DAB1: variants seen among roughly 807,000 people sequenced by gnomAD.
The protein encoded by DAB1 is disabled homolog 1.
A neutral mutation model predicts 64.6 loss-of-function variants in DAB1; 15 were observed. The observed-to-expected ratio is 0.23, with a 90% CI of 0.16 to 0.36. The LOEUF is 0.36. Ranked by LOEUF, DAB1 falls within the 10% of genes least tolerant of loss-of-function variation. DAB1 has a pLI of 1.00. For synonymous variants in DAB1, 235 were observed against 251.9 expected (o/e 0.93, Z 0.64); for missense variants, 596 against 706.7 (o/e 0.84, Z 1.78).
chr1:57,356,438 T>C (rs937905680), intron 1 of DAB1, among the ~76,000 whole-genome samples: 1 of 152,050 alleles, frequency 6.6e-6, no homozygotes, highest in African/African-American at 2.4e-5. Context: ...CTTCAACTGT[T>C]GTTTTATGCT....
chr1:57,297,062 A>T (rs143018999), intron 1 of DAB1, among the ~76,000 whole-genome samples: 1 of 152,310 alleles, frequency 6.6e-6, no homozygotes, highest in African/African-American at 2.4e-5. Flanking sequence ...AGAACATAAC[A>T]TCACTATGCA....
At chr1:58,181,790 TTA>T (rs1417773156) in intron 4 of DAB1, among the ~76,000 whole-genome samples, 19 of 151,284 alleles carry the variant, frequency 1.3e-4, no homozygotes, top group African/African-American at 4.4e-4. Context: ...ACAATAGATT[TTA>T]AAGTTATTAT....
intron 3 of DAB1, among the ~76,000 whole-genome samples, chr1:58,353,503 G>C (rs917823516): frequency 1.2e-4 from 18 of 152,176 alleles, no homozygotes; most frequent in African/African-American, 4.1e-4. Flanking sequence ...AGACTTCCCT[G>C]TACCAAAATG....
At chr1:57,246,197 C>G (rs1668860597) in intron 2 of DAB1, among the ~76,000 whole-genome samples, 1 of 152,192 alleles carries the variant, frequency 6.6e-6, no homozygotes, top group Non-Finnish European at 1.5e-5. Flanking sequence ...TCGCAGCAGC[C>G]TCTCCCATCA....
At chr1:58,143,600 G>A (rs530446611) in intron 5 of DAB1, among the ~76,000 whole-genome samples, 1 of 152,290 alleles carries the variant, frequency 6.6e-6, no homozygotes, top group African/African-American at 2.4e-5. Context: ...CCTGGCAGCA[G>A]AGACAGGCAA....
At chr1:58,342,414 C>G (rs1278131983) in intron 4 of DAB1, among the ~76,000 whole-genome samples, 1 of 152,128 alleles carries the variant, frequency 6.6e-6, no homozygotes, top group Non-Finnish European at 1.5e-5. Context: ...CCGTGGGCTG[C>G]AGTGATCAGC....
chr1:58,171,883 G>A (rs1231478316), intron 4 of DAB1, among the ~76,000 whole-genome samples: 1 of 152,242 alleles, frequency 6.6e-6, no homozygotes, highest in Non-Finnish European at 1.5e-5. Context: ...TGAAGGCCCA[G>A]CTTTGCCTAC....
chr1:57,549,814 A>G (rs1644894282), intron 7 of DAB1, among the ~76,000 whole-genome samples: 1 of 152,196 alleles, frequency 6.6e-6, no homozygotes, highest in Non-Finnish European at 1.5e-5. Context: ...CAAAGAGAGA[A>G]TTTATGAAGC....
intron 6 of DAB1, among the ~76,000 whole-genome samples, chr1:57,713,142 C>T (rs1647045883): frequency 6.6e-6 from 1 of 152,154 alleles, no homozygotes; most frequent in Non-Finnish European, 1.5e-5. Context: ...ACCCAATTTC[C>T]TCTATGAATT....
At chr1:57,609,457 A>C (rs528581544) in intron 7 of DAB1, among the ~76,000 whole-genome samples, 1 of 152,328 alleles carries the variant, frequency 6.6e-6, no homozygotes, top group African/African-American at 2.4e-5. Context: ...TTTGAGCATC[A>C]GTGGGTTTTT....
At chr1:58,497,525 T>C (rs1052607942) in intron 3 of DAB1, among the ~76,000 whole-genome samples, 6 of 152,180 alleles carry the variant, frequency 3.9e-5, no homozygotes, top group African/African-American at 1.4e-4. Context: ...GACCAGACTA[T>C]GCCACCCCAA....
chr1:58,166,730 G>A (rs1317236112), intron 4 of DAB1, among the ~76,000 whole-genome samples: 2 of 145,616 alleles, frequency 1.4e-5, no homozygotes, highest in South Asian at 2.2e-4. Flanking sequence ...AACATTTTTT[G>A]TTGTTGTTTT....
intron 1 of DAB1, among the ~76,000 whole-genome samples, chr1:57,312,914 A>G (rs1194069069): frequency 1.3e-5 from 2 of 151,964 alleles, no homozygotes; most frequent in African/African-American, 2.4e-5. Context: ...ACAGAGAGGG[A>G]CGCTTTTGCT....
At chr1:58,017,703 A>G (rs1471405996) in intron 5 of DAB1, among the ~76,000 whole-genome samples, 1 of 152,138 alleles carries the variant, frequency 6.6e-6, no homozygotes, top group African/African-American at 2.4e-5. Context: ...GTAGAAGACA[A>G]TGAGGTTTTT....
At chr1:57,761,919 A>G (rs899410246) in intron 6 of DAB1, among the ~76,000 whole-genome samples, 2 of 152,160 alleles carry the variant, frequency 1.3e-5, no homozygotes, top group African/African-American at 4.8e-5. Context: ...GTCACAACAT[A>G]TGCTCAGCAA....
chr1:57,867,553 T>G (rs1231439359), intron 1 of DAB1: 1 of 152,178 alleles, frequency 6.6e-6, no homozygotes, highest in Non-Finnish European at 1.5e-5. Flanking sequence ...CCCACATCTC[T>G]GAAGCTAGAT....
At chr1:57,031,050 A>G (rs114331999) in intron 9 of DAB1, among the ~76,000 whole-genome samples, 2 of 152,266 alleles carry the variant, frequency 1.3e-5, no homozygotes, top group African/African-American at 4.8e-5. Flanking sequence ...CTCCTTAAGC[A>G]CAACTTTTAA....
chr1:57,803,274 C>T (rs1481338248), intron 6 of DAB1, among the ~76,000 whole-genome samples: 1 of 152,212 alleles, frequency 6.6e-6, no homozygotes, highest in African/African-American at 2.4e-5. Context: ...TTGCCATAAC[C>T]TAGAGTGGAC....
chr1:58,073,122 T>A (rs1649376796), intron 5 of DAB1, among the ~76,000 whole-genome samples: 1 of 152,200 alleles, frequency 6.6e-6, no homozygotes, highest in African/African-American at 2.4e-5. Flanking sequence ...GTAATAGAAC[T>A]GGCATGTGAT....
Sources: gnomAD v4.1 joint callset for allele counts (sites outside exome capture counted in the v4.1 genomes callset) on GRCh38, gnomAD v4.1.1 for gene constraint, MANE v1.5 for transcripts, NCBI Gene and HGNC (gene_info 2026-07-23, HGNC 2026-07-21) for gene names.